The following RHPN2 variants were observed in gnomAD, a reference collection of about 807,000 sequenced individuals.
The protein encoded by RHPN2 is rhophilin Rho GTPase binding protein 2.
In RHPN2, 40 loss-of-function variants were observed where a neutral mutation model predicts 79.0. The observed-to-expected ratio is 0.51, with a 90% confidence interval of 0.39 to 0.66. The LOEUF is 0.66. Among genes scored for constraint, RHPN2 ranks in the 30% least tolerant of loss-of-function variants. The pLI, the probability that RHPN2 is intolerant of heterozygous loss-of-function variation, is 0.00. For missense variants in RHPN2, 686 were observed against 883.5 expected (o/e 0.78, Z 2.83); for synonymous variants, 285 against 363.5 (o/e 0.78, Z 2.46).
chr19:33,014,496 G>A (rs12973768), intron 4 of RHPN2, among the ~76,000 whole-genome samples: 55,697 of 151,830 alleles, frequency 0.37, 10,718 homozygotes, highest in East Asian at 0.51. Flanking sequence ...CATAAAGACA[G>A]AGTCTTCCTA....
rs568175678 is a variant in RHPN2 at position 32,984,050 on chromosome 19, C to T, written c.1801-3794G>A. Reference sequence around the variant, plus strand: ...CACTGTGTAGGCCTAACTCTTCCATCCTCTGGATGAGAAAACCGAGGCCCA... The same window carrying T: ...CACTGTGTAGGCCTAACTCTTCCATTCTCTGGATGAGAAAACCGAGGCCCA... On this transcript the variant is annotated intron_variant, in intron 14 of 14. Transcript: ENST00000254260. Among the ~76,000 whole-genome samples the T allele has an allele frequency of 3.5e-3, 534 of 152,332 alleles. 2 individuals carry two copies. The highest frequency in any genetic ancestry group is 5.7e-3 in the Non-Finnish European group (388 of 68,034).
chr19:33,007,922 G>C, intron 7 of RHPN2, 92 bp downstream of exon 7: 1 of 1,416,864 alleles, frequency 7.1e-7, no homozygotes, highest in South Asian at 1.2e-5. Context: ...GCCCTTGCGA[G>C]GGATGACCTG....
chr19:33,044,281 C>T lies in RHPN2; in HGVS notation c.153G>A (p.Val51=). 1 of 1,614,052 alleles carries T rather than the reference C, an allele frequency of 6.2e-7. No individual in the cohort carries two copies. Reference sequence around the variant, plus strand: ...GGTTTTCCGCTCCGGTCCTCATCCGCACGGCTTTCAGGATCTGCTGATTCA... The same window carrying T: ...GGTTTTCCGCTCCGGTCCTCATCCGTACGGCTTTCAGGATCTGCTGATTCA... ...AALNQQILKA[V]RMRTGAENLL... is the part of the protein sequence containing the mutation. The change falls in exon 2 of 15, where the codon GTG becomes GTA. Residue 51 remains valine, a synonymous_variant. Transcript: ENST00000254260.
Position 33,012,708 on chromosome 19 carries a change from T to C in RHPN2, c.407A>G (p.His136Arg). The part of the protein sequence containing the change: ...AVVLKDFILE[H>R]YSEDGYLYED... ...ATATAAATAGCCATCTTCACTGTAA[T>C]GTTCCAGGATAAAATCCTTAAAGAA... The change falls in exon 5 of 15, where the codon CAT becomes CGT. Residue 136 changes from histidine (H) to arginine (R), a missense_variant. By Grantham distance (29) the His-to-Arg change is conservative. Transcript: ENST00000254260. The C allele has an allele frequency of 1.3e-6, 2 of 1,597,828 alleles. No individual in the cohort carries two copies. Among genetic ancestry groups the C allele is most frequent in the South Asian group, 1.1e-5 (1 of 90,734 alleles).
At chr19:33,064,755 T>TGGGCG in intron 1 of RHPN2, 29 bp downstream of exon 1, 6 of 1,427,940 alleles carry the variant, frequency 4.2e-6, no homozygotes, top group Non-Finnish European at 5.7e-6. Flanking sequence ...AGCCCGCAGG[T>TGGGCG]CCCCGCCCGC....
chr19:32,982,040 TCTA>T (rs1244905232), intron 14 of RHPN2, among the ~76,000 whole-genome samples: 1 of 152,124 alleles, frequency 6.6e-6, no homozygotes, highest in East Asian at 1.9e-4. Context: ...TTATTGATGG[TCTA>T]CTATGTTCTG....
intron 7 of RHPN2, 52 bp downstream of exon 7, chr19:33,007,961 GT>G (rs1355662017): frequency 1.2e-6 from 2 of 1,602,162 alleles, no homozygotes; most frequent in African/African-American, 1.3e-5. Flanking sequence ...GGGTCCCCTG[GT>G]GCCACCGGGT....
chr19:32,990,666 C>T lies in RHPN2; in HGVS notation c.1648G>A (p.Ala550Thr), dbSNP rs147095013. The change falls in exon 14 of 15, where the codon GCA becomes ACA. Residue 550 changes from alanine to threonine, a missense_variant. Ala to Thr is a moderately conservative substitution (Grantham distance 58). Transcript: ENST00000254260. ...FLDPYCSASV[A>T]GAREGDYIVS... is the part of the protein sequence containing the mutation. ...ATATAATCTCCTTCCCGGGCTCCTG[C>T]CACCTGAAAAAGTATTGTTGAAATT... The T allele has an allele frequency of 6.2e-7, 1 of 1,613,906 alleles. No individual in the cohort carries two copies. The highest frequency in any genetic ancestry group is 8.5e-7 in the Non-Finnish European group (1 of 1,179,840).
chr19:33,010,838 A>G (rs1971829888), intron 6 of RHPN2, among the ~76,000 whole-genome samples: 1 of 151,472 alleles, frequency 6.6e-6, no homozygotes, highest in Non-Finnish European at 1.5e-5. Context: ...GCATACCATC[A>G]TACCCAGCAA....
At chr19:33,005,271 G>A (rs62127400) in intron 7 of RHPN2, among the ~76,000 whole-genome samples, 37,197 of 151,380 alleles carry the variant, frequency 0.25, 4,822 homozygotes, top group Non-Finnish European at 0.28. Context: ...AAATTAGCCA[G>A]GTGTGGTGGT....
At chr19:33,000,603 T>C (rs1469142006) in intron 9 of RHPN2, among the ~76,000 whole-genome samples, 1 of 152,084 alleles carries the variant, frequency 6.6e-6, no homozygotes, top group Non-Finnish European at 1.5e-5. Context: ...GACCCTGTCA[T>C]GCCCGGCCTG....
chr19:33,063,201 C>CA (rs1972296728), intron 1 of RHPN2, among the ~76,000 whole-genome samples: 3 of 152,034 alleles, frequency 2.0e-5, no homozygotes, highest in Admixed American at 2.0e-4. Flanking sequence ...AAACGCCACA[C>CA]ATAATTAGAA....
chr19:33,001,947 C>T (rs1314411561), intron 9 of RHPN2, among the ~76,000 whole-genome samples: 1 of 152,160 alleles, frequency 6.6e-6, no homozygotes, highest in Admixed American at 6.6e-5. Context: ...TAAAATGTTA[C>T]TTATCTTGAT....
At chr19:33,052,114 T>TA (rs559199934) in intron 1 of RHPN2, among the ~76,000 whole-genome samples, 7 of 150,608 alleles carry the variant, frequency 4.6e-5, no homozygotes, top group South Asian at 2.1e-4. Flanking sequence ...TATGTTAAGT[T>TA]AAAAAAAAAA....
At chr19:33,021,885 C>T (rs572592562) in intron 3 of RHPN2, among the ~76,000 whole-genome samples, 4 of 152,314 alleles carry the variant, frequency 2.6e-5, no homozygotes, top group African/African-American at 9.6e-5. Flanking sequence ...CATCAGGCCC[C>T]TGGCATCTTG....
Position 32,983,338 on chromosome 19 carries a change from C to T in RHPN2, c.1801-3082G>A, listed in dbSNP as rs1337429680. ...CCATCGGGGCTAACATGGTGAAACC[C>T]TGTCTCTACTAAAAATACAAAAAAT... On this transcript the variant is annotated intron_variant, in intron 14 of 14. Transcript: ENST00000254260. Among the ~76,000 whole-genome samples, 3 of 152,060 alleles carry T rather than the reference C, an allele frequency of 2.0e-5. No homozygotes were observed. In the East Asian group the frequency reaches 5.9e-4, roughly 30 times the overall value.
rs1167853267 is a variant in RHPN2, at chr19:33,064,830, G to A, written c.23C>T (p.Ala8Val). 2.0e-6 allele frequency: 3 copies of A among 1,517,390 alleles called. No homozygotes were observed. Among genetic ancestry groups the A allele is most frequent in the Non-Finnish European group, 2.6e-6 (3 of 1,139,992 alleles). 94.0% of individuals were successfully genotyped at this position (1,517,390 alleles called of 1,614,324 possible). A position where few individuals can be genotyped will look rare whatever the true frequency, so the allele number is the denominator to read the frequency against. The change falls in exon 1 of 15, where the codon GCG becomes GTG. Residue 8 changes from alanine (A) to valine (V), a missense_variant. Physicochemically the swap from Ala to Val is moderately conservative, Grantham distance 64. Coordinates refer to ENST00000254260, the MANE Select transcript of RHPN2 (RefSeq NM_033103.5). ...CTCCTTCTCCAGCGGCTGGGGGGCC[G>A]CGGGCAACAGCGCGTCGGTCATGCT... MTDALLP[A>V]APQPLEKEND...
chr19:33,004,470 G>A (rs538075294), intron 7 of RHPN2, among the ~76,000 whole-genome samples: 130 of 152,100 alleles, frequency 8.5e-4, no homozygotes, highest in Middle Eastern at 6.8e-3. Context: ...TGGTTGGCAG[G>A]ATAATTTTAA....
intron 1 of RHPN2, among the ~76,000 whole-genome samples, chr19:33,052,975 CTT>C (rs34864343): frequency 2.0e-5 from 3 of 146,494 alleles, no homozygotes; most frequent in South Asian, 2.2e-4. Flanking sequence ...TGCTGAATAA[CTT>C]TTTTTTTTTT....
Sources: gnomAD v4.1 joint callset for allele counts (sites outside exome capture counted in the v4.1 genomes callset) on GRCh38, gnomAD v4.1.1 for gene constraint, MANE v1.5 for transcripts, NCBI Gene and HGNC (gene_info 2026-07-23, HGNC 2026-07-21) for gene names.